The following DLGAP5 variants were observed in gnomAD, a reference collection of about 807,000 sequenced individuals.
The protein encoded by DLGAP5 is disks large-associated protein 5.
Under a neutral mutation model 99.6 loss-of-function variants are expected in DLGAP5, and 90 were observed. The observed-to-expected ratio is 0.90, with a 90% CI of 0.76 to 1.08. The LOEUF is 1.08. Ranked by LOEUF, DLGAP5 falls within the 50% of genes least tolerant of loss-of-function variation. The pLI is 0.00. For synonymous variants in DLGAP5, 311 were observed against 321.3 expected (o/e 0.97, Z 0.34); for missense variants, 1,036 against 983.5 (o/e 1.05, Z -0.71).
In DLGAP5 at chr14:55,152,660, A is replaced by C; in HGVS notation, c.2064-13T>G. On this transcript the variant is annotated splice_polypyrimidine_tract_variant and intron_variant, in intron 15 of 18. Transcript: ENST00000247191. ...TTCTATGCTGCTCCTAAAGAAGAAAAAAAGCAGCATTACACTCATAAACAT... is the reference window on the plus strand; with the variant it reads ...TTCTATGCTGCTCCTAAAGAAGAAACAAAGCAGCATTACACTCATAAACAT... 6.3e-7 allele frequency: 1 copy of C among 1,587,946 alleles called. No individual in the cohort carries two copies. Among genetic ancestry groups the C allele is most frequent in the Non-Finnish European group, 8.5e-7 (1 of 1,170,250 alleles).
intron 2 of DLGAP5, among the ~76,000 whole-genome samples, chr14:55,187,616 C>A (rs1287055281): frequency 8.3e-6 from 1 of 120,794 alleles, no homozygotes; most frequent in African/African-American, 3.2e-5. Flanking sequence ...TGTGCCCGAC[C>A]TGATCCTTTT....
At chr14:55,153,604 T>C (rs951153092) in intron 15 of DLGAP5, among the ~76,000 whole-genome samples, 2 of 152,156 alleles carry the variant, frequency 1.3e-5, no homozygotes, top group Non-Finnish European at 2.9e-5. Context: ...ATATGCTCTA[T>C]TTTTCTAGTG....
Position 55,183,754 on chromosome 14 carries a change from C to T in DLGAP5, c.239-1G>A. 1 of 1,561,342 alleles carries T rather than the reference C, an allele frequency of 6.4e-7. No homozygotes were observed. The highest frequency in any genetic ancestry group is 8.6e-7 in the Non-Finnish European group (1 of 1,159,728). Reference sequence around the variant, plus strand: ...TCACCTAGAATAGTTTTCATTGCCCCTAGGCAGAAAAAAAACCAAAACCAC... The same window carrying T: ...TCACCTAGAATAGTTTTCATTGCCCTTAGGCAGAAAAAAAACCAAAACCAC... On this transcript the variant is annotated splice_acceptor_variant, in intron 2 of 18. Transcript: ENST00000247191. LOFTEE classifies it high-confidence loss of function.
intron 4 of DLGAP5, 87 bp from the exon 5 acceptor site, chr14:55,181,384 G>A: frequency 9.4e-7 from 1 of 1,069,236 alleles, no homozygotes; most frequent in African/African-American, 1.6e-5. Context: ...TTCCTCATAT[G>A]AAATCTGATC....
Position 55,163,060 on chromosome 14 carries a change from G to A in DLGAP5, c.1564C>T (p.His522Tyr). ...MVSFQIEDVI[H>Y]KFNNLIKLEE... is the part of the protein sequence containing the mutation. ...AGTTTGATCAGATTGTTGAATTTGT[G>A]GATTACATCTTCTATCTGTTAATAA... The change falls in exon 13 of 19, where the codon CAC becomes TAC. Residue 522 changes from histidine (H) to tyrosine (Y), a missense_variant. Coordinates refer to ENST00000247191, the MANE Select transcript of DLGAP5 (RefSeq NM_014750.5). 6.3e-7 allele frequency: 1 copy of A among 1,591,544 alleles called. No individual in the cohort carries two copies. Among genetic ancestry groups the A allele is most frequent in the Non-Finnish European group, 8.6e-7 (1 of 1,168,254 alleles).
chr14:55,156,608 A>T (rs1002401900), intron 14 of DLGAP5, among the ~76,000 whole-genome samples: 12 of 152,150 alleles, frequency 7.9e-5, no homozygotes, highest in Non-Finnish European at 1.8e-4. Context: ...ACCCATGTGC[A>T]GAGAGTTTCC....
chr14:55,159,082 TAAAAAA>T (rs67774456), intron 13 of DLGAP5, among the ~76,000 whole-genome samples: 4 of 102,934 alleles, frequency 3.9e-5, no homozygotes, highest in African/African-American at 1.3e-4. Flanking sequence ...AAAAAGTAAA[TAAAAAA>T]AAAGTAAAAC....
chr14:55,169,680 A>G (rs1406325530), intron 11 of DLGAP5, 121 bp from the exon 12 acceptor site: 1 of 744,024 alleles, frequency 1.3e-6, no homozygotes, highest in East Asian at 3.0e-5. Flanking sequence ...AAGCAAAACA[A>G]AAAATATCTA....
Position 55,158,659 on chromosome 14 carries a change from A to G in DLGAP5, c.1736T>C (p.Ile579Thr). 1.2e-6 allele frequency: 2 copies of G among 1,614,076 alleles called. No individual in the cohort carries two copies. The highest frequency in any genetic ancestry group is 1.7e-6 in the Non-Finnish European group (2 of 1,179,994). ...RIAARNRLAA[I>T]KNAMRERIRQ... ...AATTCTCTCTCTCATTGCATTTTTT[A>G]TGGCAGCTAGGCGATTTCTCGCTGC... Residue 579 changes from isoleucine to threonine, a missense_variant, in exon 14 of 19, where the codon ATA becomes ACA. Physicochemically the swap from Ile to Thr is moderately conservative, Grantham distance 89 (BLOSUM62 -1). Transcript: ENST00000247191.
intron 1 of DLGAP5, among the ~76,000 whole-genome samples, chr14:55,190,115 C>G (rs1883559510): frequency 6.6e-6 from 1 of 152,136 alleles, no homozygotes; most frequent in South Asian, 2.1e-4. Context: ...TCAGTTTGCT[C>G]CATTATTTTC....
In DLGAP5 at chr14:55,164,755, C is replaced by G. The variant is rs182195849; in HGVS notation, c.1549-1680G>C. On this transcript the variant is annotated intron_variant, in intron 12 of 18. Coordinates refer to ENST00000247191, the MANE Select transcript of DLGAP5 (RefSeq NM_014750.5). The stretch of plus-strand genomic sequence containing the variant: ...CGGCCAACGTAGTGAAACCTCATCT[C>G]TACTAAAAATACAAAAATTAGCCAG... 6.0e-3 allele frequency among the ~76,000 whole-genome samples: 909 copies of G among 151,994 alleles called. 34 individuals are homozygous for G. Among genetic ancestry groups the G allele is most frequent in the Admixed American group, 0.056 (853 of 15,264 alleles).
intron 10 of DLGAP5, among the ~76,000 whole-genome samples, chr14:55,173,002 A>G (rs1446171527): frequency 2.7e-5 from 4 of 150,436 alleles, no homozygotes; most frequent in African/African-American, 7.4e-5. Flanking sequence ...AAAAAAAAAA[A>G]AAGAAGAGAT....
In DLGAP5 at chr14:55,169,541, G is replaced by A. The variant is rs17128275; in HGVS notation, c.1406C>T (p.Thr469Ile). The change falls in exon 12 of 19, where the codon ACA (threonine) becomes ATA (isoleucine). Residue 469 changes from threonine (T) to isoleucine (I), a missense_variant. By Grantham distance (89) the Thr-to-Ile change is moderately conservative. Coordinates refer to ENST00000247191, the MANE Select transcript of DLGAP5 (RefSeq NM_014750.5). ...AAGGAGTCTTGTTTGACCAACTGCT[G>A]TGCGAATAAGATCTTTAGCTGAAGG... ...IPDDAKDLIR[T>I]AVGQTRLLMK... The A allele has an allele frequency of 0.025, 40,230 of 1,589,326 alleles. 2,956 individuals are homozygous for A. In the African/African-American group the frequency reaches 0.25, roughly 10 times the overall value.
At chr14:55,165,706 G>A (rs1203296752) in intron 12 of DLGAP5, among the ~76,000 whole-genome samples, 1 of 152,060 alleles carries the variant, frequency 6.6e-6, no homozygotes, top group African/African-American at 2.4e-5. Flanking sequence ...ACATACCTAT[G>A]ATAAAGTTTC....
intron 3 of DLGAP5, among the ~76,000 whole-genome samples, chr14:55,182,794 T>A (rs1883319382): frequency 6.6e-6 from 1 of 152,176 alleles, no homozygotes; most frequent in Admixed American, 6.5e-5. Flanking sequence ...TTTTTCATAA[T>A]TTTATATATC....
Position 55,175,354 on chromosome 14 carries a change from T to C in DLGAP5, c.1293A>G (p.Pro431=), listed in dbSNP as rs781543937. 1.4e-5 allele frequency: 22 copies of C among 1,609,092 alleles called. No individual in the cohort carries two copies. The Admixed American group carries it at 2.4e-4, about 17-fold the overall frequency. ...GRIAQPHHGV[P]YFRNILQSET... ...GAAACACACAGACATACCTGAAATATGGCACACCATGGTGGGGCTGAGCAA... is the reference window on the plus strand; with the variant it reads ...GAAACACACAGACATACCTGAAATACGGCACACCATGGTGGGGCTGAGCAA... Residue 431 remains proline (P), a synonymous_variant, in exon 10 of 19, where the codon CCA becomes CCG. Coordinates refer to ENST00000247191, the MANE Select transcript of DLGAP5 (RefSeq NM_014750.5).
rs1003009590 is a variant in DLGAP5 at position 55,180,919 on chromosome 14, C to A, written c.581-141G>T. ...ATTACTTCAGCCCAGGAGTTCGAAA[C>A]CAGCCTAGGCAACATAGTGAGACCC... is the stretch of plus-strand genomic sequence containing the variant. On this transcript the variant is annotated intron_variant, in intron 5 of 18. Coordinates refer to ENST00000247191, the MANE Select transcript of DLGAP5 (RefSeq NM_014750.5). The A allele has an allele frequency of 6.7e-6, 7 of 1,043,682 alleles. No homozygotes were observed. In the African/African-American group the frequency reaches 1.1e-4, roughly 17 times the overall value. 64.7% of individuals were successfully genotyped at this position (1,043,682 alleles called of 1,614,324 possible).
chr14:55,177,080 G>C lies in DLGAP5; in HGVS notation c.1031C>G (p.Thr344Ser), dbSNP rs748054932. ...TTCTTACACTTCTGTTTTTAAAGGA[G>C]TCCAGGTGTAACTGGGTGTCAAAAA... is the stretch of plus-strand genomic sequence containing the variant. ...NAFLTPSYTW[T>S]PLKTEVDESQ... The change falls in exon 8 of 19, where the codon ACT (threonine) becomes AGT (serine). Residue 344 changes from threonine to serine, a missense_variant. Physicochemically the swap from Thr to Ser is moderately conservative, Grantham distance 58. Coordinates refer to ENST00000247191, the MANE Select transcript of DLGAP5 (RefSeq NM_014750.5). The C allele has an allele frequency of 1.3e-6, 2 of 1,485,988 alleles. No homozygotes were observed. Among genetic ancestry groups the C allele is most frequent in the Non-Finnish European group, 8.9e-7 (1 of 1,121,818 alleles). 92.1% of individuals were successfully genotyped at this position (1,485,988 alleles called of 1,614,324 possible). A position where few individuals can be genotyped will look rare whatever the true frequency, so the allele number is the denominator to read the frequency against.
rs769886984 is a variant in DLGAP5, at chr14:55,170,718, C to T, written c.1371G>A (p.Leu457=). ...HCFEWDRKLE[L]DIPDDAKDLI... ...TTGCCTCACCATCATCTGGAATGTC[C>T]AATTCAAGTTTCCTGTCCCACTCGA... is the stretch of plus-strand genomic sequence containing the variant. The change falls in exon 11 of 19, where the codon TTG becomes TTA. Residue 457 remains leucine, a synonymous_variant. Coordinates refer to ENST00000247191, the MANE Select transcript of DLGAP5 (RefSeq NM_014750.5). The T allele has an allele frequency of 6.2e-7, 1 of 1,613,102 alleles. No individual in the cohort carries two copies. Among genetic ancestry groups the T allele is most frequent in the Non-Finnish European group, 8.5e-7 (1 of 1,179,346 alleles).
Sources: allele counts gnomAD v4.1 joint callset (sites outside exome capture counted in the v4.1 genomes callset), GRCh38; gene constraint gnomAD v4.1.1; transcripts MANE v1.5; gene names NCBI Gene and HGNC (gene_info 2026-07-23, HGNC 2026-07-21).